GABRG3: variants seen among roughly 807,000 people sequenced by gnomAD.
GABRG3 encodes gamma-aminobutyric acid receptor subunit gamma-3.
GABRG3 carries 25 observed loss-of-function variants against 48.8 expected under a neutral mutation model. That is an observed-to-expected ratio of 0.51 (90% CI 0.37 to 0.72). GABRG3 has a LOEUF of 0.72. GABRG3 is among the 30% of genes least tolerant of loss of function. The pLI, the probability that GABRG3 is intolerant of heterozygous loss-of-function variation, is 0.00. For missense variants in GABRG3, 394 were observed against 577.9 expected (o/e 0.68, Z 3.26); for synonymous variants, 227 against 217.6 (o/e 1.04, Z -0.38).
At position 27,306,244 on chromosome 15, in the gene GABRG3, TA is replaced by T. The variant is rs527813006; in HGVS notation, c.271-20563del. ...TAAACATATGTTCTATATATAAACATAATATAAACATGTCTATATGTAAACA... is the reference window on the plus strand; with the variant it reads ...TAAACATATGTTCTATATATAAACATATATAAACATGTCTATATGTAAACA... On this transcript the variant is annotated intron_variant, in intron 3 of 9. Transcript: ENST00000615808. Among the ~76,000 whole-genome samples, 379 of 138,574 alleles carry T rather than the reference TA, an allele frequency of 2.7e-3. 27 individuals carry two copies. Among genetic ancestry groups the T allele is most frequent in the African/African-American group, 9.3e-3 (351 of 37,834 alleles). The allele number at this position is 138,574 out of a possible 152,430, so 90.9% of individuals were successfully genotyped here.
intron 3 of GABRG3, among the ~76,000 whole-genome samples, chr15:27,222,454 CA>C (rs1889483466): frequency 2.0e-5 from 3 of 152,192 alleles, no homozygotes; most frequent in Non-Finnish European, 4.4e-5. Context: ...GAACTTTCTG[CA>C]AAAGATCCAC....
intron 5 of GABRG3, among the ~76,000 whole-genome samples, chr15:27,460,694 T>A (rs1402874907): frequency 6.6e-6 from 1 of 152,164 alleles, no homozygotes; most frequent in Non-Finnish European, 1.5e-5. Flanking sequence ...AGTGAAACTT[T>A]GTCTAAAAAA....
intron 3 of GABRG3, among the ~76,000 whole-genome samples, chr15:27,264,708 AACC>A (rs1434914409): frequency 3.3e-5 from 5 of 151,998 alleles, no homozygotes; most frequent in Non-Finnish European, 7.4e-5. Flanking sequence ...TAAGTCAAAA[AACC>A]ACCACCATCA....
At chr15:27,316,375 G>A (rs1170879923) in intron 3 of GABRG3, among the ~76,000 whole-genome samples, 12 of 127,406 alleles carry the variant, frequency 9.4e-5, no homozygotes, top group African/African-American at 2.5e-4. Context: ...GCGACAGAGC[G>A]AGACTCCGTC....
chr15:27,505,813 G>GA (rs1403209271), intron 6 of GABRG3, among the ~76,000 whole-genome samples: 2 of 152,122 alleles, frequency 1.3e-5, no homozygotes, highest in Non-Finnish European at 2.9e-5. Flanking sequence ...AATTTTCTGA[G>GA]AAAAAAGATT....
At chr15:27,176,603 T>C (rs947210665) in intron 3 of GABRG3, among the ~76,000 whole-genome samples, 3 of 152,184 alleles carry the variant, frequency 2.0e-5, no homozygotes, top group Admixed American at 6.5e-5. Flanking sequence ...TCTCTAGTGA[T>C]TGACTCTGCC....
intron 6 of GABRG3, among the ~76,000 whole-genome samples, chr15:27,486,341 A>T (rs542309211): frequency 6.6e-6 from 1 of 152,300 alleles, no homozygotes; most frequent in Admixed American, 6.5e-5. Context: ...AACAATCAGG[A>T]GAAAGGCTGC....
chr15:27,165,922 A>T (rs999499023), intron 3 of GABRG3, among the ~76,000 whole-genome samples: 14 of 152,138 alleles, frequency 9.2e-5, no homozygotes, highest in African/African-American at 2.9e-4. Context: ...TGGGCATGGC[A>T]TAAGTCCAAG....
chr15:27,502,792 T>C (rs1478305838), intron 6 of GABRG3, among the ~76,000 whole-genome samples: 1 of 152,296 alleles, frequency 6.6e-6, no homozygotes, highest in East Asian at 1.9e-4. Context: ...TTTAACAGGA[T>C]ACAAATAACC....
At chr15:27,478,048 C>CAAAAAAAA (rs71132811) in intron 5 of GABRG3, among the ~76,000 whole-genome samples, 2 of 91,984 alleles carry the variant, frequency 2.2e-5, no homozygotes. Context: ...CTCCATGTCA[C>CAAAAAAAA]AAAAAAAAAA....
intron 5 of GABRG3, among the ~76,000 whole-genome samples, chr15:27,409,332 C>A (rs1027979713): frequency 3.3e-5 from 5 of 151,986 alleles, no homozygotes; most frequent in Non-Finnish European, 7.4e-5. Flanking sequence ...TTTTCAAGCA[C>A]CATTTGTTGA....
Position 27,451,709 on chromosome 15 carries a change from C to T in GABRG3, c.575-28941C>T, listed in dbSNP as rs141421764. ...AACTGGGATTATATCAAACTAAAAA[C>T]CTGCACAGCAAAGGAAACAATCAAC... On this transcript the variant is annotated intron_variant, in intron 5 of 9. Transcript: ENST00000615808. Among the ~76,000 whole-genome samples the T allele has an allele frequency of 6.6e-3, 1,000 of 152,170 alleles. 11 individuals carry two copies. Among genetic ancestry groups the T allele is most frequent in the African/African-American group, 0.022 (930 of 41,532 alleles).
At chr15:27,379,845 A>G (rs529339560) in intron 5 of GABRG3, among the ~76,000 whole-genome samples, 1 of 152,206 alleles carries the variant, frequency 6.6e-6, no homozygotes, top group South Asian at 2.1e-4. Flanking sequence ...CTTTCAAGCT[A>G]TTCTTTGTGT....
chr15:27,070,411 T>A (rs1452931873), intron 3 of GABRG3, among the ~76,000 whole-genome samples: 1 of 152,228 alleles, frequency 6.6e-6, no homozygotes, highest in African/African-American at 2.4e-5. Flanking sequence ...CATTCCATTA[T>A]GCCAGGCTTC....
intron 5 of GABRG3, among the ~76,000 whole-genome samples, chr15:27,393,087 T>C (rs1887187437): frequency 6.6e-6 from 1 of 152,186 alleles, no homozygotes; most frequent in Admixed American, 6.5e-5. Flanking sequence ...GGCTCATGCC[T>C]GTAATCCGAG....
intron 2 of GABRG3, among the ~76,000 whole-genome samples, chr15:27,001,447 G>A (rs974002583): frequency 6.6e-6 from 1 of 152,190 alleles, no homozygotes; most frequent in Non-Finnish European, 1.5e-5. Flanking sequence ...CGCACACAAT[G>A]CCACTCCACA....
At chr15:26,984,719 A>T (rs186234479) in intron 2 of GABRG3, among the ~76,000 whole-genome samples, 159 of 152,312 alleles carry the variant, frequency 1.0e-3, no homozygotes, top group South Asian at 1.9e-3. Flanking sequence ...AAATGGCCTA[A>T]GTAAATTTCA....
At chr15:27,105,626 C>A (rs1318974791) in intron 3 of GABRG3, among the ~76,000 whole-genome samples, 1 of 151,846 alleles carries the variant, frequency 6.6e-6, no homozygotes, top group Non-Finnish European at 1.5e-5. Context: ...TATCAAAAAG[C>A]CAAAAGACAA....
intron 2 of GABRG3, among the ~76,000 whole-genome samples, chr15:27,019,585 C>T (rs954354718): frequency 6.6e-6 from 1 of 152,194 alleles, no homozygotes; most frequent in Admixed American, 6.5e-5. Context: ...TCTTATCATC[C>T]TTCATCTGTG....
Sources: allele counts gnomAD v4.1 joint callset (sites outside exome capture counted in the v4.1 genomes callset), GRCh38; gene constraint gnomAD v4.1.1; transcripts MANE v1.5; gene names NCBI Gene and HGNC (gene_info 2026-07-23, HGNC 2026-07-21).